Variants in ZNF469 observed in about 807,000 individuals in gnomAD.
ZNF469 encodes zinc finger protein 469.
Under a neutral mutation model 1.0 loss-of-function variants are expected in ZNF469, and 1 was observed. The ratio of observed to expected loss-of-function variants is 1.00; its 90% confidence interval spans 0.35 to 4.73. The LOEUF (loss-of-function observed/expected upper bound fraction) is 4.73, where lower values mean the gene tolerates loss of function less well. Among genes scored for constraint, ZNF469 ranks in the 30% most tolerant of loss-of-function variants. The pLI is 0.16. For synonymous variants in ZNF469, 2,703 were observed against 2,363.4 expected (o/e 1.14, Z -4.17); for missense variants, 6,100 against 5,356.3 (o/e 1.14, Z -4.33).
the ZNF469 span, among the ~76,000 whole-genome samples, chr16:88,314,973 G>A: frequency 1.4e-5 from 2 of 147,926 alleles, no homozygotes; most frequent in Non-Finnish European, 3.0e-5. Context: ...GGTGTGGGCT[G>A]TCTCTGTAAT....
the ZNF469 span, among the ~76,000 whole-genome samples, chr16:88,348,323 G>A: frequency 1.1e-3 from 163 of 152,244 alleles, no homozygotes; most frequent in African/African-American, 3.8e-3. Context: ...TCCCCTGTGC[G>A]TGCCTCTCGT....
chr16:88,432,437 G>T lies in ZNF469; in HGVS notation c.4967G>T (p.Gly1656Val), dbSNP rs1432752906. 7 of 1,550,106 alleles carry T rather than the reference G, an allele frequency of 4.5e-6. No individual in the cohort carries two copies. The highest frequency in any genetic ancestry group is 1.4e-5 in the African/African-American group (1 of 73,056). Residue 1656 changes from glycine to valine, a missense_variant, in exon 3 of 3, where the codon GGG (glycine) becomes GTG (valine). Transcript: ENST00000565624. ...GAAGCGGTTCAGGGGAGGCCTGGGGGGACGTGGCCCTGCCCAGCCTCCTTC... is the reference window on the plus strand; with the variant it reads ...GAAGCGGTTCAGGGGAGGCCTGGGGTGACGTGGCCCTGCCCAGCCTCCTTC... ...TVEAVQGRPGGTWPCPASFHP... is the reference protein window; with the variant it reads ...TVEAVQGRPGVTWPCPASFHP...
At chr16:88,369,406 C>T in the ZNF469 span, among the ~76,000 whole-genome samples, 1 of 152,352 alleles carries the variant, frequency 6.6e-6, no homozygotes, top group Middle Eastern at 3.4e-3. Context: ...AGGATGGAGG[C>T]AGCCCAGTAG....
chr16:88,308,694 C>T, the ZNF469 span, among the ~76,000 whole-genome samples: 1 of 152,172 alleles, frequency 6.6e-6, no homozygotes, highest in African/African-American at 2.4e-5. Flanking sequence ...TGAGCAGACC[C>T]CACCTCCATG....
chr16:88,245,270 C>T, the ZNF469 span, among the ~76,000 whole-genome samples: 1 of 152,198 alleles, frequency 6.6e-6, no homozygotes, highest in African/African-American at 2.4e-5. Context: ...GTAAGGACTT[C>T]GGGCTATGAG....
the ZNF469 span, among the ~76,000 whole-genome samples, chr16:88,203,351 C>T: frequency 2.6e-5 from 4 of 152,178 alleles, no homozygotes; most frequent in South Asian, 2.1e-4. Flanking sequence ...CCCCCACCAC[C>T]GTCAGCGAGT....
At chr16:88,356,333 T>C in the ZNF469 span, among the ~76,000 whole-genome samples, 3 of 152,144 alleles carry the variant, frequency 2.0e-5, no homozygotes, top group Non-Finnish European at 2.9e-5. Flanking sequence ...GTTTCAGTCT[T>C]GAAGCCCTAG....
At chr16:88,343,278 G>T in the ZNF469 span, among the ~76,000 whole-genome samples, 3 of 152,148 alleles carry the variant, frequency 2.0e-5, no homozygotes, top group African/African-American at 7.2e-5. Flanking sequence ...GGTTGTATGG[G>T]GTTAAAATCC....
the ZNF469 span, among the ~76,000 whole-genome samples, chr16:88,128,894 C>T: frequency 6.6e-6 from 1 of 152,244 alleles, no homozygotes; most frequent in Non-Finnish European, 1.5e-5. Context: ...CCCTCGCCAG[C>T]ATCTGCCGCT....
chr16:88,281,023 C>G, the ZNF469 span, among the ~76,000 whole-genome samples: 1 of 150,844 alleles, frequency 6.6e-6, no homozygotes, highest in South Asian at 2.1e-4. Context: ...CAGATTAGTG[C>G]TGGGCCATGC....
the ZNF469 span, among the ~76,000 whole-genome samples, chr16:88,372,631 TCAC>T: frequency 2.7e-4 from 40 of 149,396 alleles, no homozygotes; most frequent in East Asian, 6.9e-3. Flanking sequence ...ATCTTCACCA[TCAC>T]CACCATCATC....
chr16:88,241,037 A>G, the ZNF469 span, among the ~76,000 whole-genome samples: 1 of 152,082 alleles, frequency 6.6e-6, no homozygotes, highest in Non-Finnish European at 1.5e-5. This position sits in a 1 kb window ranked among gnomAD's most constrained non-coding sequence, Gnocchi z 4.8. Flanking sequence ...GGGCTCTGCC[A>G]TTGTCCCTGC....
chr16:88,208,797 ACACACACTCTCTCTCTCTCTCT>A, the ZNF469 span, among the ~76,000 whole-genome samples: 2 of 71,082 alleles, frequency 2.8e-5, no homozygotes, highest in East Asian at 3.6e-4. Flanking sequence ...ACACACACAC[ACACACACTCTCTCTCTCTCTCT>A]CTCTCTCTCT....
the ZNF469 span, among the ~76,000 whole-genome samples, chr16:88,184,590 C>T: frequency 6.6e-6 from 1 of 152,014 alleles, no homozygotes; most frequent in African/African-American, 2.4e-5. Flanking sequence ...GCCACCTTCC[C>T]GTTCCCGTTT....
chr16:88,343,343 G>GAAAT, the ZNF469 span, among the ~76,000 whole-genome samples: 28 of 152,202 alleles, frequency 1.8e-4, no homozygotes, highest in African/African-American at 6.8e-4. Context: ...TCGAATGGAT[G>GAAAT]AAATAAATAA....
At chr16:88,386,789 G>A (rs1236002416) in intron 1 of ZNF469, among the ~76,000 whole-genome samples, 1 of 152,208 alleles carries the variant, frequency 6.6e-6, no homozygotes, top group East Asian at 1.9e-4. Context: ...TACATGCTGG[G>A]GGCTGGACAG....
the ZNF469 span, among the ~76,000 whole-genome samples, chr16:88,101,718 T>A: frequency 6.6e-6 from 1 of 152,110 alleles, no homozygotes. Context: ...CTCTCCTCAA[T>A]CCTTTCATTT....
chr16:88,205,121 A>T, the ZNF469 span, among the ~76,000 whole-genome samples: 1 of 152,184 alleles, frequency 6.6e-6, no homozygotes, highest in South Asian at 2.1e-4. The surrounding 1 kb of genome is among the most constrained non-coding windows in gnomAD (Gnocchi z 4.2). Flanking sequence ...CCAATATTTC[A>T]CTGCAGATGT....
At chr16:88,265,947 G>A in the ZNF469 span, among the ~76,000 whole-genome samples, 3 of 152,238 alleles carry the variant, frequency 2.0e-5, no homozygotes, top group Non-Finnish European at 4.4e-5. Context: ...AGGCCCAGAG[G>A]GGGTGGGATT....
Sources: gnomAD v4.1 joint callset for allele counts (sites outside exome capture counted in the v4.1 genomes callset) on GRCh38, gnomAD v4.1.1 for gene constraint, Gnocchi (gnomAD v3.1) non-coding constraint, MANE v1.5 for transcripts, NCBI Gene and HGNC (gene_info 2026-07-23, HGNC 2026-07-21) for gene names.